The following PCDH15 variants were observed in gnomAD, a reference collection of about 807,000 sequenced individuals.
PCDH15 encodes protocadherin related 15, also known as protocadherin-15.
In PCDH15, 129 loss-of-function variants were observed where a neutral mutation model predicts 178.5. The observed-to-expected ratio is 0.72, with a 90% CI of 0.63 to 0.84. The LOEUF (loss-of-function observed/expected upper bound fraction) is 0.84. Among genes scored for constraint, PCDH15 ranks in the 40% least tolerant of loss-of-function variants. PCDH15 has a pLI of 0.00. For synonymous variants in PCDH15, 800 were observed against 732.0 expected (o/e 1.09, Z -1.50); for missense variants, 2,230 against 2,099.9 (o/e 1.06, Z -1.21).
intron 2 of PCDH15, among the ~76,000 whole-genome samples, chr10:55,058,939 T>C (rs1841368410): frequency 1.3e-5 from 2 of 152,334 alleles, no homozygotes; most frequent in Admixed American, 1.3e-4. Flanking sequence ...AACATTTCAG[T>C]TGACAGCATG....
intron 3 of PCDH15, among the ~76,000 whole-genome samples, chr10:54,809,222 A>T (rs1194949776): frequency 2.6e-5 from 4 of 152,200 alleles, no homozygotes; most frequent in East Asian, 3.9e-4. Flanking sequence ...CAGCCCTTAG[A>T]TTGTATCAAC....
rs192375587 is a variant in PCDH15 at position 54,829,657 on chromosome 10, T to G, written c.-29+67793A>C. On this transcript the variant is annotated intron_variant, in intron 3 of 5. Coordinates refer to the PCDH15 transcript ENST00000458638. ...AGTACTCACTCTGTGTTTCAAAATGTTGTCTGTGCATTTCCTCACTAGGCT... is the reference window on the plus strand; with the variant it reads ...AGTACTCACTCTGTGTTTCAAAATGGTGTCTGTGCATTTCCTCACTAGGCT... Among the ~76,000 whole-genome samples the G allele has an allele frequency of 1.2e-3, 182 of 152,190 alleles. 1 individual carries two copies. The highest frequency in any genetic ancestry group is 4.0e-3 in the African/African-American group (168 of 41,558).
At chr10:54,031,091 C>A (rs2093280014) in intron 18 of PCDH15, among the ~76,000 whole-genome samples, 1 of 151,998 alleles carries the variant, frequency 6.6e-6, no homozygotes, top group Non-Finnish European at 1.5e-5. Flanking sequence ...TCGTTGAAGG[C>A]AAATCACATG....
chr10:54,812,200 T>A (rs1000744317), intron 3 of PCDH15, among the ~76,000 whole-genome samples: 1 of 151,378 alleles, frequency 6.6e-6, no homozygotes, highest in Non-Finnish European at 1.5e-5. Flanking sequence ...CAATACCAGC[T>A]TAAAAAAACA....
intron 18 of PCDH15, among the ~76,000 whole-genome samples, chr10:54,060,843 AGGTGAG>A (rs1433660267): frequency 6.6e-6 from 1 of 152,060 alleles, no homozygotes; most frequent in African/African-American, 2.4e-5. Context: ...GGAGCATAAG[AGGTGAG>A]GGTTGTTAGG....
chr10:53,838,056 T>A (rs1411578960), intron 29 of PCDH15, among the ~76,000 whole-genome samples: 1 of 151,786 alleles, frequency 6.6e-6, no homozygotes, highest in African/African-American at 2.4e-5. Context: ...GCTCACTGCA[T>A]GCTCGGCCTC....
intron 2 of PCDH15, among the ~76,000 whole-genome samples, chr10:55,114,769 A>G (rs1378656338): frequency 6.6e-6 from 1 of 152,198 alleles, no homozygotes; most frequent in Non-Finnish European, 1.5e-5. Context: ...TTCATAGAAC[A>G]GATTTTCCCA....
Position 54,179,209 on chromosome 10 carries a change from A to T in PCDH15, c.1590+4235T>A, listed in dbSNP as rs537032153. 2.0e-5 allele frequency among the ~76,000 whole-genome samples: 3 copies of T among 151,910 alleles called. No homozygotes were observed. In the East Asian group the frequency reaches 5.8e-4, roughly 29 times the overall value. ...ATAGACTGGATTAAGAAAATGTGGC[A>T]CATATACACCATGGAATACTATGCA... On this transcript the variant is annotated intron_variant, in intron 13 of 37. Transcript: ENST00000644397.
intron 1 of PCDH15, among the ~76,000 whole-genome samples, chr10:54,698,501 C>T (rs555787036): frequency 6.6e-6 from 1 of 152,142 alleles, no homozygotes; most frequent in South Asian, 2.1e-4. Context: ...GCTATATCAG[C>T]CAGGGGAAAT....
chr10:53,932,970 C>T (rs765931792), intron 25 of PCDH15, among the ~76,000 whole-genome samples: 1 of 151,920 alleles, frequency 6.6e-6, no homozygotes, highest in African/African-American at 2.4e-5. Flanking sequence ...TCCCCCACCA[C>T]TCTCTCTCTC....
chr10:53,851,400 T>G (rs10825123), intron 28 of PCDH15, among the ~76,000 whole-genome samples: 4,450 of 151,828 alleles, frequency 0.029, 133 homozygotes, highest in East Asian at 0.15. Flanking sequence ...TAATCTCCAG[T>G]GCTTACAATC....
rs34423359 is a variant in PCDH15, at chr10:55,125,163, T to TTGTGTGTGTGTGTGTGTG, written c.-80+41395_-80+41412dup. Among the ~76,000 whole-genome samples the TTGTGTGTGTGTGTGTGTG allele has an allele frequency of 5.4e-3, 767 of 143,076 alleles. 1 individual carries two copies. The highest frequency in any genetic ancestry group is 6.5e-3 in the African/African-American group (251 of 38,600). The allele number at this position is 143,076 out of a possible 152,430, so 93.9% of individuals were successfully genotyped here. On this transcript the variant is annotated intron_variant, in intron 2 of 5. Coordinates refer to the PCDH15 transcript ENST00000458638. ...GGATACTTTTTGAATTTTTTTTTAA[T>TTGTGTGTGTGTGTGTGTG]TGTGTGTGTGTGTGTGTGTGTGTGT...
chr10:55,456,433 C>G (rs776173997), intron 2 of PCDH15, among the ~76,000 whole-genome samples: 2 of 151,796 alleles, frequency 1.3e-5, no homozygotes, highest in African/African-American at 2.4e-5. Flanking sequence ...CATTTATTTC[C>G]TTCATGCATT....
intron 1 of PCDH15, among the ~76,000 whole-genome samples, chr10:54,720,463 T>C (rs1333527558): frequency 6.6e-6 from 1 of 151,674 alleles, no homozygotes; most frequent in East Asian, 1.9e-4. Flanking sequence ...CAAAAGACTT[T>C]TCAGCAGAAA....
chr10:55,621,486 C>T (rs111760433), intron 2 of PCDH15, among the ~76,000 whole-genome samples: 99 of 152,210 alleles, frequency 6.5e-4, no homozygotes, highest in African/African-American at 1.9e-3. Context: ...TGGTGACCTG[C>T]GGGAAAGGTA....
chr10:55,210,330 C>A lies in PCDH15; in HGVS notation c.-155-43679G>T, dbSNP rs901468515. 5.3e-5 allele frequency among the ~76,000 whole-genome samples: 8 copies of A among 151,728 alleles called. 1 individual carries two copies. The highest frequency in any genetic ancestry group is 1.7e-4 in the African/African-American group (7 of 41,232). Reference sequence around the variant, plus strand: ...GTTAAGTCACTTATGAAGTTTTTAACCCCAGAAAATAGTAGATAAATAAAA... The same window carrying A: ...GTTAAGTCACTTATGAAGTTTTTAAACCCAGAAAATAGTAGATAAATAAAA... On this transcript the variant is annotated intron_variant, in intron 1 of 5. Transcript: ENST00000458638.
intron 9 of PCDH15, among the ~76,000 whole-genome samples, chr10:54,234,571 G>A (rs1008015923): frequency 1.3e-5 from 2 of 151,886 alleles, no homozygotes; most frequent in Non-Finnish European, 2.9e-5. Flanking sequence ...AAAATAAGAA[G>A]GACTAATTTC....
chr10:55,269,820 C>A (rs1025619879), intron 1 of PCDH15, among the ~76,000 whole-genome samples: 4 of 151,922 alleles, frequency 2.6e-5, no homozygotes, highest in Non-Finnish European at 5.9e-5. Context: ...CCCAAATAGA[C>A]AAAGCAATCC....
chr10:55,562,771 T>C (rs1178655756), intron 2 of PCDH15, among the ~76,000 whole-genome samples: 1 of 152,030 alleles, frequency 6.6e-6, no homozygotes. Context: ...TTTACATAAC[T>C]GGATAGACAG....
Sources: allele counts gnomAD v4.1 joint callset (sites outside exome capture counted in the v4.1 genomes callset), GRCh38; gene constraint gnomAD v4.1.1; transcripts MANE v1.5; gene names NCBI Gene and HGNC (gene_info 2026-07-23, HGNC 2026-07-21).